Variants in PRKG1 observed in about 807,000 individuals in gnomAD.
PRKG1 encodes protein kinase cGMP-dependent 1.
Under a neutral mutation model 88.1 loss-of-function variants are expected in PRKG1, and 35 were observed. The ratio of observed to expected loss-of-function variants is 0.40; its 90% confidence interval spans 0.30 to 0.53. The LOEUF is 0.53. Among genes scored for constraint, PRKG1 ranks in the 20% least tolerant of loss-of-function variants. The pLI, the probability that PRKG1 is intolerant of heterozygous loss-of-function variation, is 0.59. For synonymous variants in PRKG1, 303 were observed against 292.5 expected (o/e 1.04, Z -0.37); for missense variants, 540 against 839.8 (o/e 0.64, Z 4.41).
chr10:51,039,523 A>G (rs1843393589), intron 1 of PRKG1, among the ~76,000 whole-genome samples: 1 of 151,988 alleles, frequency 6.6e-6, no homozygotes, highest in Non-Finnish European at 1.5e-5. Flanking sequence ...ATTTTCTCCC[A>G]TTCCTTGGGT....
chr10:51,211,541 T>G (rs553968503), intron 2 of PRKG1, among the ~76,000 whole-genome samples: 1 of 152,174 alleles, frequency 6.6e-6, no homozygotes, highest in East Asian at 1.9e-4. Context: ...TGTTTGCAGA[T>G]GACATGATTG....
intron 3 of PRKG1, among the ~76,000 whole-genome samples, chr10:51,670,552 C>T (rs1156231049): frequency 5.3e-5 from 8 of 149,574 alleles, no homozygotes; most frequent in South Asian, 2.1e-4. Flanking sequence ...CCGGCTAAAA[C>T]GGTGAAACCC....
At chr10:52,014,420 G>A (rs906017968) in intron 5 of PRKG1, among the ~76,000 whole-genome samples, 9 of 152,100 alleles carry the variant, frequency 5.9e-5, no homozygotes, top group African/African-American at 2.2e-4. Flanking sequence ...CACCATGGCG[G>A]AAACAGCCTC....
intron 2 of PRKG1, among the ~76,000 whole-genome samples, chr10:51,449,007 T>C (rs893717210): frequency 6.6e-6 from 1 of 152,060 alleles, no homozygotes; most frequent in African/African-American, 2.4e-5. Context: ...AAAATGACAT[T>C]GCAGAAAGAA....
chr10:51,247,387 A>G (rs1564654155), intron 2 of PRKG1, among the ~76,000 whole-genome samples: 1 of 152,016 alleles, frequency 6.6e-6, no homozygotes, highest in Non-Finnish European at 1.5e-5. Flanking sequence ...AAAATAAAGG[A>G]GATTAAAGAA....
chr10:52,044,602 G>C (rs375579834), intron 5 of PRKG1, among the ~76,000 whole-genome samples: 6 of 152,080 alleles, frequency 3.9e-5, no homozygotes, highest in Non-Finnish European at 8.8e-5. Flanking sequence ...TAAGGAATAC[G>C]TTTTACACTT....
intron 3 of PRKG1, among the ~76,000 whole-genome samples, chr10:51,480,411 G>A (rs977239152): frequency 6.6e-6 from 1 of 152,144 alleles, no homozygotes; most frequent in African/African-American, 2.4e-5. Context: ...CTCCTCAAGA[G>A]TGTAATTTAA....
chr10:51,568,764 A>G (rs1251152023), intron 3 of PRKG1: 1 of 152,060 alleles, frequency 6.6e-6, no homozygotes, highest in Non-Finnish European at 1.5e-5. Context: ...CCCTGGCTTT[A>G]CATTTTACAC....
intron 9 of PRKG1, among the ~76,000 whole-genome samples, chr10:52,177,626 C>A (rs1838900586): frequency 6.6e-6 from 1 of 152,008 alleles, no homozygotes. Flanking sequence ...GCCCTCTTGT[C>A]CCATACTTTT....
chr10:51,469,978 A>C (rs556383165), intron 3 of PRKG1, among the ~76,000 whole-genome samples: 4 of 151,998 alleles, frequency 2.6e-5, no homozygotes, highest in Non-Finnish European at 5.9e-5. Context: ...TTATTGTTTC[A>C]GGACTTTTTT....
rs534551692 is a variant in PRKG1 at position 52,117,952 on chromosome 10, CA to C, written c.936-15882del. On this transcript the variant is annotated intron_variant, in intron 7 of 17. Coordinates refer to ENST00000373980, the MANE Select transcript of PRKG1 (RefSeq NM_006258.4). Reference sequence around the variant, plus strand: ...TAAAATATTTCCTTTTATTATTGTACAAAAAATGTATTTTAATCAATACTAC... The same window carrying C: ...TAAAATATTTCCTTTTATTATTGTACAAAAATGTATTTTAATCAATACTAC... 2.0e-4 allele frequency among the ~76,000 whole-genome samples: 31 copies of C among 151,702 alleles called. No homozygotes were observed. The East Asian group carries it at 5.2e-3, about 26-fold the overall frequency.
chr10:51,660,300 TTCA>T (rs752828760), intron 3 of PRKG1, among the ~76,000 whole-genome samples: 1 of 151,862 alleles, frequency 6.6e-6, no homozygotes, highest in Non-Finnish European at 1.5e-5. Context: ...CACCGCCACC[TTCA>T]TCATCATCAT....
chr10:51,016,649 G>A (rs1266349014), intron 1 of PRKG1, among the ~76,000 whole-genome samples: 1 of 89,968 alleles, frequency 1.1e-5, no homozygotes, highest in Admixed American at 1.2e-4. Flanking sequence ...CCATAACCCA[G>A]TGAAGAAGGT....
intron 7 of PRKG1, among the ~76,000 whole-genome samples, chr10:52,087,132 T>C (rs563379655): frequency 5.9e-5 from 9 of 152,164 alleles, no homozygotes; most frequent in African/African-American, 1.9e-4. Context: ...TTTCCAATAA[T>C]AAAAAACAAC....
chr10:51,424,683 T>C (rs12218846), intron 2 of PRKG1, among the ~76,000 whole-genome samples: 1 of 152,164 alleles, frequency 6.6e-6, no homozygotes, highest in Non-Finnish European at 1.5e-5. Flanking sequence ...TAATAGGTGA[T>C]GAAAGACCCC....
intron 5 of PRKG1, among the ~76,000 whole-genome samples, chr10:51,939,774 A>G (rs988784770): frequency 6.6e-6 from 1 of 150,786 alleles, no homozygotes; most frequent in Non-Finnish European, 1.5e-5. Flanking sequence ...TGGTAAATGC[A>G]AGAGTACTAT....
chr10:52,260,828 T>C (rs1350716753), intron 10 of PRKG1, among the ~76,000 whole-genome samples: 1 of 152,000 alleles, frequency 6.6e-6, no homozygotes, highest in Non-Finnish European at 1.5e-5. Flanking sequence ...AGGAAATAAA[T>C]GTTATGTTTA....
chr10:52,164,980 A>G (rs1386423095), intron 9 of PRKG1, among the ~76,000 whole-genome samples: 1 of 152,184 alleles, frequency 6.6e-6, no homozygotes, highest in Non-Finnish European at 1.5e-5. Context: ...CTCAATTCAC[A>G]CTAAACCCAA....
chr10:51,050,180 T>A (rs1285306297), intron 1 of PRKG1, among the ~76,000 whole-genome samples: 1 of 151,724 alleles, frequency 6.6e-6, no homozygotes, highest in Non-Finnish European at 1.5e-5. Context: ...ATATTTAACA[T>A]AATATCTATC....
Sources: allele counts gnomAD v4.1 joint callset (sites outside exome capture counted in the v4.1 genomes callset), GRCh38; gene constraint gnomAD v4.1.1; transcripts MANE v1.5; gene names NCBI Gene and HGNC (gene_info 2026-07-23, HGNC 2026-07-21).